Variants in AGBL4 observed in about 807,000 individuals in gnomAD.
AGBL4 encodes cytosolic carboxypeptidase 6.
Under a neutral mutation model 66.4 loss-of-function variants are expected in AGBL4, and 58 were observed. The ratio of observed to expected loss-of-function variants is 0.87; its 90% CI spans 0.71 to 1.09. The LOEUF is 1.09. Ranked by LOEUF, AGBL4 falls within the 50% of genes least tolerant of loss-of-function variation. AGBL4 has a pLI of 0.00. For missense variants in AGBL4, 579 were observed against 631.0 expected, an observed-to-expected ratio of 0.92 and a Z score of 0.88; for synonymous variants, 234 against 222.9, an observed-to-expected ratio of 1.05 and a Z score of -0.44.
chr1:49,471,839 T>C (rs993183119), intron 3 of AGBL4, among the ~76,000 whole-genome samples: 1 of 151,960 alleles, frequency 6.6e-6, no homozygotes, highest in Admixed American at 6.6e-5. Context: ...ACCCTCTCCA[T>C]ACTGTAACAA....
At chr1:49,423,888 G>A (rs1300486068) in intron 3 of AGBL4, among the ~76,000 whole-genome samples, 3 of 151,086 alleles carry the variant, frequency 2.0e-5, no homozygotes, top group African/African-American at 4.9e-5. Flanking sequence ...AGACACAGCC[G>A]AGCTCCCCAG....
chr1:49,989,373 G>T (rs2148400043), intron 1 of AGBL4, among the ~76,000 whole-genome samples: 1 of 152,272 alleles, frequency 6.6e-6, no homozygotes, highest in South Asian at 2.1e-4. Context: ...ATGAGGTAGG[G>T]TCTAGATAGG....
At chr1:49,000,725 A>G (rs1367573129) in intron 5 of AGBL4, among the ~76,000 whole-genome samples, 2 of 152,324 alleles carry the variant, frequency 1.3e-5, no homozygotes. Flanking sequence ...AGACAACTCT[A>G]GAGTACCTGA....
intron 1 of AGBL4, among the ~76,000 whole-genome samples, chr1:49,963,516 A>C (rs1295895433): frequency 6.6e-6 from 1 of 152,192 alleles, no homozygotes; most frequent in African/African-American, 2.4e-5. Flanking sequence ...ACAACTTAAG[A>C]TATTAATTCA....
At chr1:48,684,948 T>C (rs1284676157) in intron 6 of AGBL4, among the ~76,000 whole-genome samples, 1 of 152,174 alleles carries the variant, frequency 6.6e-6, no homozygotes, top group Non-Finnish European at 1.5e-5. Context: ...CCTTCACTTC[T>C]CAGGCCTGAG....
At chr1:48,551,122 G>A (rs1011579120) in intron 11 of AGBL4, among the ~76,000 whole-genome samples, 2 of 152,108 alleles carry the variant, frequency 1.3e-5, no homozygotes, top group African/African-American at 4.8e-5. Flanking sequence ...TCACCTCCAA[G>A]GTAAGACCTA....
At chr1:49,845,817 A>T in intron 2 of AGBL4, 1 of 1,530,776 alleles carries the variant, frequency 6.5e-7, no homozygotes, top group Middle Eastern at 1.7e-4. Flanking sequence ...GGATGCACAC[A>T]GGAGAGAAGC....
At chr1:48,671,155 G>A (rs577580305) in intron 6 of AGBL4, among the ~76,000 whole-genome samples, 1 of 152,374 alleles carries the variant, frequency 6.6e-6, no homozygotes, top group East Asian at 1.9e-4. Context: ...TGGGAACTGA[G>A]GACTCAATCC....
Position 49,476,187 on chromosome 1 carries a change from T to G in AGBL4, c.282+221126A>C, listed in dbSNP as rs943547619. 3.9e-5 allele frequency among the ~76,000 whole-genome samples: 6 copies of G among 152,084 alleles called. 1 individual carries two copies. The highest frequency in any genetic ancestry group is 8.8e-5 in the Non-Finnish European group (6 of 67,998). On this transcript the variant is annotated intron_variant, in intron 3 of 13. Coordinates refer to ENST00000371839, the MANE Select transcript of AGBL4 (RefSeq NM_032785.4). ...ATCTTGATGTTTACCCAAAAGTCAC[T>G]CAGGAGAAAGTTGTTTAATTTTCAT... is the stretch of plus-strand genomic sequence containing the variant.
intron 4 of AGBL4, among the ~76,000 whole-genome samples, chr1:49,239,572 T>C (rs1016712279): frequency 3.3e-5 from 5 of 152,098 alleles, no homozygotes; most frequent in African/African-American, 1.2e-4. Context: ...CAATGTCAAA[T>C]GAAAAGATCA....
intron 6 of AGBL4, among the ~76,000 whole-genome samples, chr1:48,757,713 G>A (rs1644016152): frequency 6.6e-6 from 1 of 152,148 alleles, no homozygotes; most frequent in Non-Finnish European, 1.5e-5. Context: ...GTAAATTAGG[G>A]TAAGAATAAA....
intron 3 of AGBL4, among the ~76,000 whole-genome samples, chr1:49,558,721 G>A (rs1643961791): frequency 6.6e-6 from 1 of 152,068 alleles, no homozygotes; most frequent in African/African-American, 2.4e-5. Flanking sequence ...TACCCTAGAG[G>A]GTGAGTTGCA....
At chr1:49,816,815 A>G (rs1374797622) in intron 2 of AGBL4, among the ~76,000 whole-genome samples, 2 of 152,206 alleles carry the variant, frequency 1.3e-5, no homozygotes, top group Non-Finnish European at 2.9e-5. Context: ...TGCTGTGGTC[A>G]AGAAATGGCT....
intron 1 of AGBL4, among the ~76,000 whole-genome samples, chr1:49,935,238 A>T (rs1653837437): frequency 6.6e-6 from 1 of 152,224 alleles, no homozygotes; most frequent in Admixed American, 6.5e-5. Context: ...TTGCTAGCAC[A>T]GCAGTCTGAG....
chr1:49,148,063 C>T (rs1646254500), intron 4 of AGBL4, among the ~76,000 whole-genome samples: 1 of 152,122 alleles, frequency 6.6e-6, no homozygotes, highest in Non-Finnish European at 1.5e-5. Context: ...AACTGAGTGG[C>T]CATGGGTAAA....
chr1:49,190,328 G>C (rs1647092809), intron 4 of AGBL4, among the ~76,000 whole-genome samples: 1 of 152,184 alleles, frequency 6.6e-6, no homozygotes, highest in African/African-American at 2.4e-5. Flanking sequence ...GCAGGTCTGG[G>C]CTTTGTTCCT....
intron 3 of AGBL4, among the ~76,000 whole-genome samples, chr1:49,468,055 T>C (rs1646666064): frequency 6.6e-6 from 1 of 151,916 alleles, no homozygotes; most frequent in African/African-American, 2.4e-5. Context: ...CAAAATCTTA[T>C]CTTTAGACAA....
At chr1:49,128,102 T>A (rs896996425) in intron 4 of AGBL4, among the ~76,000 whole-genome samples, 1 of 151,814 alleles carries the variant, frequency 6.6e-6, no homozygotes, top group African/African-American at 2.4e-5. Flanking sequence ...CCAATTATAA[T>A]AAGGAAAGAA....
intron 4 of AGBL4, among the ~76,000 whole-genome samples, chr1:49,176,009 A>G (rs1646824253): frequency 1.3e-5 from 2 of 152,186 alleles, no homozygotes; most frequent in African/African-American, 2.4e-5. Context: ...ACAATTATAT[A>G]CAATACACAA....
Sources: gnomAD v4.1 joint callset for allele counts (sites outside exome capture counted in the v4.1 genomes callset) on GRCh38, gnomAD v4.1.1 for gene constraint, MANE v1.5 for transcripts, NCBI Gene and HGNC (gene_info 2026-07-23, HGNC 2026-07-21) for gene names.